The following GNAI3 variants were observed in gnomAD, a reference collection of about 807,000 sequenced individuals.
GNAI3 encodes the protein G protein subunit alpha i3, also known as guanine nucleotide-binding protein G(i) subunit alpha-3.
In GNAI3, 12 loss-of-function variants were observed where a neutral mutation model predicts 41.8. That is an observed-to-expected ratio of 0.29 (90% CI 0.18 to 0.47). The LOEUF (loss-of-function observed/expected upper bound fraction) is 0.47, where lower values mean the gene tolerates loss of function less well. Among genes scored for constraint, GNAI3 ranks in the 20% least tolerant of loss-of-function variants. The probability of loss-of-function intolerance (pLI) is 1.00; values close to 1 mark genes in which losing one functional copy is unlikely to be tolerated. For synonymous variants in GNAI3, 132 were observed against 146.5 expected, an observed-to-expected ratio of 0.90 and a Z score of 0.71; for missense variants, 360 against 429.6, an observed-to-expected ratio of 0.84 and a Z score of 1.43.
chr1:109,576,127 G>A (rs971834220), intron 3 of GNAI3, among the ~76,000 whole-genome samples: 1 of 151,996 alleles, frequency 6.6e-6, no homozygotes, highest in South Asian at 2.1e-4. Flanking sequence ...GGAGTGTAAC[G>A]GTACGATTTT....
In GNAI3 at chr1:109,599,168, A is replaced by G. The variant is rs111978115; in HGVS notation, c.*6846A>G. ...TTAAGACAACTTTTGTGCCGCTTTTATCCATTCTTCCTTTTATCCACAGAA... is the reference window on the plus strand; with the variant it reads ...TTAAGACAACTTTTGTGCCGCTTTTGTCCATTCTTCCTTTTATCCACAGAA... On this transcript the variant is annotated 3_prime_UTR_variant, in exon 9 of 9. Coordinates refer to ENST00000369851, the MANE Select transcript of GNAI3 (RefSeq NM_006496.4). The G allele has an allele frequency of 0.017, 3,586 of 206,480 alleles. 59 individuals are homozygous for G. Among genetic ancestry groups the G allele is most frequent in the African/African-American group, 0.043 (1,834 of 42,736 alleles). The allele number at this position is 206,480 out of a possible 1,614,324, so 12.8% of individuals were successfully genotyped here.
At chr1:109,559,206 AAG>A (rs1557903172) in intron 1 of GNAI3, among the ~76,000 whole-genome samples, 1 of 152,122 alleles carries the variant, frequency 6.6e-6, no homozygotes, top group Non-Finnish European at 1.5e-5. Context: ...AGAAAAGAAA[AAG>A]AAAAAATGTC....
At chr1:109,563,371 C>G (rs1648364839) in intron 1 of GNAI3, among the ~76,000 whole-genome samples, 1 of 152,150 alleles carries the variant, frequency 6.6e-6, no homozygotes, top group Admixed American at 6.6e-5. Context: ...GGTGACAGAG[C>G]AAGACACTGT....
intron 5 of GNAI3, among the ~76,000 whole-genome samples, chr1:109,585,039 T>C (rs1195972497): frequency 6.6e-6 from 1 of 152,244 alleles, no homozygotes; most frequent in Non-Finnish European, 1.5e-5. Context: ...CTTTCAAGCA[T>C]ACATTGAGAA....
At chr1:109,555,965 T>TGCGTGC (rs759790449) in intron 1 of GNAI3, among the ~76,000 whole-genome samples, 1,446 of 99,376 alleles carry the variant, frequency 0.015, 11 homozygotes, top group African/African-American at 0.02. Flanking sequence ...CGTGCGTGCG[T>TGCGTGC]GTGTGTGTGT....
chr1:109,575,247 T>A (rs1648704938), intron 3 of GNAI3, among the ~76,000 whole-genome samples: 1 of 152,068 alleles, frequency 6.6e-6, no homozygotes, highest in African/African-American at 2.4e-5. Context: ...CCCCTGCTTT[T>A]GTTTCCTTCT....
At chr1:109,585,123 T>C (rs1325023438) in intron 5 of GNAI3, among the ~76,000 whole-genome samples, 7 of 152,252 alleles carry the variant, frequency 4.6e-5, no homozygotes, top group African/African-American at 1.7e-4. Flanking sequence ...CTAGTCACTA[T>C]AGATCTTATA....
At chr1:109,550,396 A>G (rs1409304590) in intron 1 of GNAI3, among the ~76,000 whole-genome samples, 2 of 152,246 alleles carry the variant, frequency 1.3e-5, no homozygotes, top group Non-Finnish European at 2.9e-5. Flanking sequence ...TCTGTATAAC[A>G]GGTGGATATG....
In GNAI3 at chr1:109,573,798, T is replaced by C. The variant is rs767583105; in HGVS notation, c.161+19T>C. ...AGATGAAGTAAGTTGGAATGTAGCG[T>C]TTTGTTAGACTAGGATTTCTCCTAA... On this transcript the variant is annotated intron_variant, in intron 2 of 8. Transcript: ENST00000369851. The C allele has an allele frequency of 1.3e-5, 21 of 1,607,410 alleles. No individual in the cohort carries two copies. The highest frequency in any genetic ancestry group is 1.6e-5 in the Non-Finnish European group (19 of 1,174,062).
chr1:109,595,969 G>C lies in GNAI3; in HGVS notation c.*3647G>C, dbSNP rs1649292504. On this transcript the variant is annotated 3_prime_UTR_variant, in exon 9 of 9. Coordinates refer to ENST00000369851, the MANE Select transcript of GNAI3 (RefSeq NM_006496.4). ...TAAGAGCAATGATCTTAGTTTGCCA[G>C]TGCCAGGTAATTATTGTGTTCTACT... The C allele has an allele frequency of 6.6e-6, 1 of 152,182 alleles. No individual in the cohort carries two copies. The highest frequency in any genetic ancestry group is 1.5e-5 in the Non-Finnish European group (1 of 68,036). The allele number at this position is 152,182 out of a possible 1,614,324, so 9.4% of individuals were successfully genotyped here. A position where few individuals can be genotyped will look rare whatever the true frequency, so the allele number is the denominator to read the frequency against.
chr1:109,592,206 C>G lies in GNAI3; in HGVS notation c.1038C>G (p.Asn346Lys). 1 of 1,612,042 alleles carries G rather than the reference C, an allele frequency of 6.2e-7. No homozygotes were observed. Among genetic ancestry groups the G allele is most frequent in the Non-Finnish European group, 8.5e-7 (1 of 1,178,228 alleles). ...FDAVTDVIIKNNLKECGLY is the reference protein window; with the variant it reads ...FDAVTDVIIKKNLKECGLY ...CTGTTACAGATGTCATCATTAAAAA[C>G]AACTTAAAGGAATGTGGACTTTATT... Residue 346 changes from asparagine (N) to lysine (K), a missense_variant, in exon 8 of 9, where the codon AAC (asparagine) becomes AAG (lysine). Physicochemically the swap from Asn to Lys is moderately conservative, Grantham distance 94 (BLOSUM62 0). Coordinates refer to ENST00000369851, the MANE Select transcript of GNAI3 (RefSeq NM_006496.4).
intron 3 of GNAI3, among the ~76,000 whole-genome samples, chr1:109,578,541 T>G (rs1648815036): frequency 6.6e-6 from 1 of 151,746 alleles, no homozygotes; most frequent in Admixed American, 6.6e-5. Context: ...TTATGGTTAC[T>G]TTCTTTTCCT....
At chr1:109,585,000 G>C (rs998926803) in intron 5 of GNAI3, among the ~76,000 whole-genome samples, 1 of 152,186 alleles carries the variant, frequency 6.6e-6, no homozygotes, top group Non-Finnish European at 1.5e-5. Flanking sequence ...TCAACCCAAA[G>C]GAAGAGTTGG....
chr1:109,577,076 G>C (rs1470034250), intron 3 of GNAI3, among the ~76,000 whole-genome samples: 1 of 150,296 alleles, frequency 6.7e-6, no homozygotes, highest in Admixed American at 6.6e-5. Context: ...ATGGGTATAG[G>C]TCAAATTTCA....
At chr1:109,557,694 C>T (rs755329139) in intron 1 of GNAI3, among the ~76,000 whole-genome samples, 7 of 152,106 alleles carry the variant, frequency 4.6e-5, no homozygotes, top group African/African-American at 9.7e-5. Context: ...CTGTGGCTCA[C>T]GCACCGCCTG....
In GNAI3 at chr1:109,548,678, G is replaced by A; in HGVS notation, c.-43G>A. 7.2e-6 allele frequency: 10 copies of A among 1,387,020 alleles called. No homozygotes were observed. The highest frequency in any genetic ancestry group is 1.0e-5 in the Non-Finnish European group (10 of 976,276). The allele number at this position is 1,387,020 out of a possible 1,614,324, so 85.9% of individuals were successfully genotyped here. A position where few individuals can be genotyped will look rare whatever the true frequency, so the allele number is the denominator to read the frequency against. ...AGCCTGCCGAGCCGCAGTTTCCGTG[G>A]TGTGAGTGAGTCCGGGCCCGTGTCC... On this transcript the variant is annotated 5_prime_UTR_variant, in exon 1 of 9. It adds an upstream start codon to the 5' untranslated region. Transcript: ENST00000369851.
chr1:109,577,293 T>C (rs1478492262), intron 3 of GNAI3, among the ~76,000 whole-genome samples: 4 of 151,192 alleles, frequency 2.6e-5, no homozygotes, highest in Non-Finnish European at 4.4e-5. Flanking sequence ...TTTTTTTTTT[T>C]TGAGATGGAG....
rs1648919760 is a variant in GNAI3, at chr1:109,582,459, A to C, written c.484A>C (p.Ile162Leu). 6.2e-7 allele frequency: 1 copy of C among 1,604,490 alleles called. No homozygotes were observed. The highest frequency in any genetic ancestry group is 8.5e-7 in the Non-Finnish European group (1 of 1,171,202). ...ASYYLNDLDR[I>L]SQSNYIPTQQ... ...TAGTTATCTAAATGATCTGGATAGA[A>C]TATCCCAGTCTAACTACATTCCAAC... The change falls in exon 5 of 9, where the codon ATA becomes CTA. Residue 162 changes from isoleucine to leucine, a missense_variant. Coordinates refer to ENST00000369851, the MANE Select transcript of GNAI3 (RefSeq NM_006496.4).
rs761537913 is a variant in GNAI3, at chr1:109,595,093, T to C, written c.*2771T>C. 6.6e-6 allele frequency: 1 copy of C among 152,220 alleles called. No homozygotes were observed. The highest frequency in any genetic ancestry group is 1.5e-5 in the Non-Finnish European group (1 of 68,026). The allele number at this position is 152,220 out of a possible 1,614,324, so 9.4% of individuals were successfully genotyped here. A position where few individuals can be genotyped will look rare whatever the true frequency, so the allele number is the denominator to read the frequency against. ...TGAAAAAAAACTTTGGCATTTGTAATCAAAGAAGCTGAAAGTTGCCTTGTG... is the reference window on the plus strand; with the variant it reads ...TGAAAAAAAACTTTGGCATTTGTAACCAAAGAAGCTGAAAGTTGCCTTGTG... On this transcript the variant is annotated 3_prime_UTR_variant, in exon 9 of 9. Transcript: ENST00000369851.
Sources: allele counts gnomAD v4.1 joint callset (sites outside exome capture counted in the v4.1 genomes callset), GRCh38; gene constraint gnomAD v4.1.1; transcripts MANE v1.5; gene names NCBI Gene and HGNC (gene_info 2026-07-23, HGNC 2026-07-21).